COL25A1: variants seen among roughly 807,000 people sequenced by gnomAD.
The protein encoded by COL25A1 is collagen type XXV alpha 1 chain.
A neutral mutation model predicts 128.4 loss-of-function variants in COL25A1; 103 were observed. The ratio of observed to expected loss-of-function variants is 0.80; its 90% CI spans 0.68 to 0.94. The LOEUF is 0.94. Among genes scored for constraint, COL25A1 ranks in the 40% least tolerant of loss-of-function variants. COL25A1 has a pLI of 0.00. For missense variants in COL25A1, 745 were observed against 840.0 expected (o/e 0.89, Z 1.40); for synonymous variants, 279 against 277.2 (o/e 1.01, Z -0.06).
intron 15 of COL25A1, among the ~76,000 whole-genome samples, chr4:108,898,912 A>G (rs545714576): frequency 6.6e-6 from 1 of 152,236 alleles, no homozygotes; most frequent in South Asian, 2.1e-4. Flanking sequence ...TTTTGTCTAT[A>G]CATAAGAATC....
At chr4:108,940,437 AC>A in intron 10 of COL25A1, 101 bp downstream of exon 10, 1 of 905,872 alleles carries the variant, frequency 1.1e-6, no homozygotes, top group Non-Finnish European at 1.9e-6. Context: ...CACTCACTTG[AC>A]CCCCTGACCT....
chr4:108,954,610 G>A (rs1325990458), intron 8 of COL25A1, among the ~76,000 whole-genome samples: 1 of 151,782 alleles, frequency 6.6e-6, no homozygotes, highest in Non-Finnish European at 1.5e-5. Context: ...ATATGCCTTA[G>A]GTGCAATTTT....
chr4:109,292,769 T>C (rs1724595382), intron 3 of COL25A1, among the ~76,000 whole-genome samples: 1 of 152,062 alleles, frequency 6.6e-6, no homozygotes, highest in South Asian at 2.1e-4. Flanking sequence ...ACCCACTTGA[T>C]TCCCAATCAA....
chr4:109,145,623 G>C (rs770160346), intron 3 of COL25A1, among the ~76,000 whole-genome samples: 1 of 152,132 alleles, frequency 6.6e-6, no homozygotes. Flanking sequence ...TGAATCACCT[G>C]AGGTCAGGAG....
At chr4:108,877,291 T>G (rs768740378) in intron 19 of COL25A1, among the ~76,000 whole-genome samples, 7 of 152,194 alleles carry the variant, frequency 4.6e-5, no homozygotes, top group Non-Finnish European at 1.0e-4. Context: ...TTCAATCTTG[T>G]AGTATAAGCT....
intron 3 of COL25A1, among the ~76,000 whole-genome samples, chr4:109,198,279 A>T (rs926691917): frequency 1.5e-5 from 2 of 136,216 alleles, no homozygotes; most frequent in Non-Finnish European, 3.2e-5. Context: ...ACCACATCAG[A>T]CTCTGCATAT....
chr4:109,259,050 T>A (rs1781262400), intron 3 of COL25A1, among the ~76,000 whole-genome samples: 1 of 152,214 alleles, frequency 6.6e-6, no homozygotes, highest in Non-Finnish European at 1.5e-5. Flanking sequence ...CACTTTTAAA[T>A]ATATCACTCC....
intron 3 of COL25A1, among the ~76,000 whole-genome samples, chr4:109,154,591 T>C (rs529678156): frequency 6.6e-6 from 1 of 152,288 alleles, no homozygotes; most frequent in African/African-American, 2.4e-5. Context: ...AGGACAGTTG[T>C]TCCTCTCCAT....
At chr4:109,138,858 C>A (rs1187026174) in intron 3 of COL25A1, among the ~76,000 whole-genome samples, 1 of 152,148 alleles carries the variant, frequency 6.6e-6, no homozygotes, top group East Asian at 1.9e-4. Context: ...CAGGCACCCA[C>A]CACCACGCCT....
At chr4:109,091,421 T>C (rs1764892859) in intron 3 of COL25A1, among the ~76,000 whole-genome samples, 3 of 152,218 alleles carry the variant, frequency 2.0e-5, no homozygotes, top group Admixed American at 2.0e-4. Context: ...ACGACAACAA[T>C]TGTCTATACA....
chr4:108,915,428 T>A (rs1560856295), intron 13 of COL25A1, among the ~76,000 whole-genome samples: 1 of 152,240 alleles, frequency 6.6e-6, no homozygotes, highest in Admixed American at 6.5e-5. Context: ...CTCAAGCTCC[T>A]GAGCTTAGGC....
At chr4:108,889,326 G>T in intron 17 of COL25A1, 70 bp from the exon 18 acceptor site, 1 of 1,484,868 alleles carries the variant, frequency 6.7e-7, no homozygotes, top group South Asian at 1.1e-5. Context: ...AGACCTCTGG[G>T]CACCATCACA....
intron 6 of COL25A1, among the ~76,000 whole-genome samples, chr4:109,004,906 T>C (rs1755816422): frequency 6.6e-6 from 1 of 151,712 alleles, no homozygotes; most frequent in South Asian, 2.1e-4. Context: ...GTTCAGCCTA[T>C]GCGAGACAAT....
chr4:109,054,098 A>T (rs1761234421), intron 3 of COL25A1, among the ~76,000 whole-genome samples: 1 of 152,210 alleles, frequency 6.6e-6, no homozygotes, highest in African/African-American at 2.4e-5. Context: ...GTGTTCAATA[A>T]ACATTAGCTC....
At chr4:109,051,858 T>C (rs78033559) in intron 3 of COL25A1, among the ~76,000 whole-genome samples, 2,387 of 152,194 alleles carry the variant, frequency 0.016, 64 homozygotes, top group African/African-American at 0.055. Context: ...TGAACTTATA[T>C]TTCAAGTGGC....
intron 11 of COL25A1, among the ~76,000 whole-genome samples, chr4:108,932,196 T>A (rs116361165): frequency 6.6e-6 from 1 of 152,192 alleles, no homozygotes; most frequent in Non-Finnish European, 1.5e-5. Flanking sequence ...TTTTATGAAA[T>A]CCATGGGATA....
At chr4:109,236,587 G>C (rs1365371873) in intron 3 of COL25A1, among the ~76,000 whole-genome samples, 1 of 152,006 alleles carries the variant, frequency 6.6e-6, no homozygotes, top group Admixed American at 6.6e-5. Flanking sequence ...ACAAAATTTA[G>C]TTGACTGCTA....
intron 8 of COL25A1, among the ~76,000 whole-genome samples, chr4:108,958,917 C>T (rs566077502): frequency 2.1e-3 from 324 of 151,958 alleles, no homozygotes; most frequent in Middle Eastern, 0.01. Flanking sequence ...AAAAATAATT[C>T]GATAAATTTT....
rs78865070 is a variant in COL25A1 at position 109,198,397 on chromosome 4, A to C, written c.367+102186T>G. On this transcript the variant is annotated intron_variant, in intron 3 of 37. Coordinates refer to ENST00000399132, the MANE Select transcript of COL25A1 (RefSeq NM_198721.4). ...CGATGTTCAGAACACACTCCACTTT[A>C]TCTCTCTGGCAGGCTTCTCAACATC... Among the ~76,000 whole-genome samples, 1,292 of 152,040 alleles carry C rather than the reference A, an allele frequency of 8.5e-3. 55 individuals are homozygous for C. The South Asian group carries it at 0.14, about 16-fold the overall frequency.
Sources: gnomAD v4.1 joint callset for allele counts (sites outside exome capture counted in the v4.1 genomes callset) on GRCh38, gnomAD v4.1.1 for gene constraint, MANE v1.5 for transcripts, NCBI Gene and HGNC (gene_info 2026-07-23, HGNC 2026-07-21) for gene names.